Variants in PALLD observed in about 807,000 individuals in gnomAD.
PALLD encodes palladin.
In PALLD, 61 loss-of-function variants were observed where a neutral mutation model predicts 123.5. That is an observed-to-expected ratio of 0.49 (90% CI 0.40 to 0.61). PALLD has a LOEUF of 0.61. Among genes scored for constraint, PALLD ranks in the 20% least tolerant of loss-of-function variants. The pLI, the probability that PALLD is intolerant of heterozygous loss-of-function variation, is 0.00. For synonymous variants in PALLD, 465 were observed against 496.4 expected, an observed-to-expected ratio of 0.94 and a Z score of 0.84; for missense variants, 1,273 against 1,377.0, an observed-to-expected ratio of 0.92 and a Z score of 1.20.
chr4:168,855,292 T>C (rs1180062879), intron 10 of PALLD, among the ~76,000 whole-genome samples: 1 of 152,144 alleles, frequency 6.6e-6, no homozygotes, highest in East Asian at 1.9e-4. Context: ...GGTTTCACCA[T>C]GTTGACCAGG....
chr4:168,915,061 C>T (rs1334488681), intron 16 of PALLD, among the ~76,000 whole-genome samples: 4 of 152,154 alleles, frequency 2.6e-5, no homozygotes, highest in African/African-American at 4.8e-5. Flanking sequence ...TAAGCCTTTC[C>T]TTATATCAGT....
At chr4:168,659,853 C>G (rs1778961253) in intron 2 of PALLD, among the ~76,000 whole-genome samples, 1 of 152,170 alleles carries the variant, frequency 6.6e-6, no homozygotes, top group Non-Finnish European at 1.5e-5. Context: ...GAAACTGTCA[C>G]TCATAAAATC....
chr4:168,578,577 T>C (rs1769890754), intron 2 of PALLD, among the ~76,000 whole-genome samples: 1 of 152,130 alleles, frequency 6.6e-6, no homozygotes, highest in Non-Finnish European at 1.5e-5. Context: ...CTTTCCTTTA[T>C]AAATTACTCA....
rs150969120 is a variant in PALLD at position 168,671,712 on chromosome 4, G to C, written c.1087+3344G>C. Among the ~76,000 whole-genome samples the C allele has an allele frequency of 2.8e-4, 43 of 152,242 alleles. 1 individual carries two copies. The highest frequency in any genetic ancestry group is 2.5e-3 in the Admixed American group (38 of 15,294). ...GGAGAGAACCTCAGATAAATTCTTA[G>C]CCTCAACTTATGACTCAAAGTAAGA... On this transcript the variant is annotated intron_variant, in intron 3 of 21. Coordinates refer to ENST00000505667, the MANE Select transcript of PALLD (RefSeq NM_001166108.2).
At chr4:168,920,943 C>A (rs1172535152) in intron 17 of PALLD, among the ~76,000 whole-genome samples, 3 of 152,168 alleles carry the variant, frequency 2.0e-5, no homozygotes, top group Admixed American at 6.5e-5. Context: ...TCCCATTAAT[C>A]TCCATAGCCC....
chr4:168,579,642 T>A (rs1325760914), intron 2 of PALLD, among the ~76,000 whole-genome samples: 2 of 152,128 alleles, frequency 1.3e-5, no homozygotes, highest in Non-Finnish European at 2.9e-5. Flanking sequence ...ATGCCCCTAT[T>A]GTGAAGATGA....
In PALLD at chr4:168,711,787, A is replaced by T. The variant is rs1042980149; in HGVS notation, c.1828A>T (p.Thr610Ser). 7 of 1,614,136 alleles carry T rather than the reference A, an allele frequency of 4.3e-6. No individual in the cohort carries two copies. In the South Asian group the frequency reaches 5.5e-5, roughly 13 times the overall value. ...GCAATTCAATGCTGCTGAGAGGGAA[A>T]CGAACGGAGTCCATCCCAGCCGTGG... ...QMQFNAAERETNGVHPSRGVN... is the reference protein window; with the variant it reads ...QMQFNAAERESNGVHPSRGVN... The change falls in exon 10 of 22, where the codon ACG becomes TCG. Residue 610 changes from threonine to serine, a missense_variant. By Grantham distance (58) the Thr-to-Ser change is moderately conservative (BLOSUM62 1). Transcript: ENST00000505667.
chr4:168,824,131 G>C (rs1318417978), intron 10 of PALLD, among the ~76,000 whole-genome samples: 5 of 152,142 alleles, frequency 3.3e-5, no homozygotes, highest in African/African-American at 4.8e-5. Flanking sequence ...CTAAAATTGA[G>C]GTAATGATTT....
intron 2 of PALLD, among the ~76,000 whole-genome samples, chr4:168,523,276 A>AG (rs1561206820): frequency 4.6e-5 from 5 of 107,710 alleles, no homozygotes; most frequent in African/African-American, 7.4e-5. Context: ...GGGAGGAAGG[A>AG]GGGGGGAGGG....
chr4:168,498,653 G>A (rs752665339), intron 1 of PALLD, among the ~76,000 whole-genome samples: 27 of 152,002 alleles, frequency 1.8e-4, no homozygotes, highest in Non-Finnish European at 1.9e-4. Flanking sequence ...ACTGTGTCCC[G>A]GTGAAATTAC....
intron 10 of PALLD, among the ~76,000 whole-genome samples, chr4:168,792,437 C>T (rs1394462205): frequency 3.3e-5 from 5 of 152,102 alleles, no homozygotes; most frequent in African/African-American, 1.2e-4. Context: ...CCGCAGCCTC[C>T]CGTGTCCCCC....
At chr4:168,772,819 T>G (rs963123912) in intron 10 of PALLD, among the ~76,000 whole-genome samples, 3 of 150,594 alleles carry the variant, frequency 2.0e-5, no homozygotes, top group South Asian at 2.1e-4. Context: ...GTAAGTCCCA[T>G]GCCAAAAAAA....
At chr4:168,701,716 A>G (rs1189982534) in intron 8 of PALLD, among the ~76,000 whole-genome samples, 1 of 152,144 alleles carries the variant, frequency 6.6e-6, no homozygotes, top group Admixed American at 6.5e-5. Flanking sequence ...TGTTCCCAGA[A>G]CCTCTGTCTT....
chr4:168,770,875 A>G (rs1407746579), intron 10 of PALLD, among the ~76,000 whole-genome samples: 2 of 152,202 alleles, frequency 1.3e-5, no homozygotes, highest in South Asian at 2.1e-4. Context: ...CCTGGCCAAC[A>G]TGGCAAAACC....
At chr4:168,899,870 C>T (rs149716826) in intron 14 of PALLD, among the ~76,000 whole-genome samples, 14 of 151,196 alleles carry the variant, frequency 9.3e-5, no homozygotes, top group East Asian at 3.9e-4. Context: ...TGACCAAGAT[C>T]GCGCCATTGC....
intron 1 of PALLD, 100 bp from the exon 2 acceptor site, chr4:168,511,317 TATATTC>T (rs1194977004): frequency 1.7e-5 from 5 of 290,576 alleles, no homozygotes; most frequent in African/African-American, 6.6e-5. Flanking sequence ...AAAGAAAACT[TATATTC>T]ATTCACTTTA....
intron 10 of PALLD, among the ~76,000 whole-genome samples, chr4:168,792,353 A>G (rs1737650317): frequency 6.6e-6 from 1 of 152,120 alleles, no homozygotes; most frequent in South Asian, 2.1e-4. Context: ...GTAATTTTAC[A>G]TGACACCTAA....
rs745859220 is a variant in PALLD, at chr4:168,600,080, C to CAT, written c.909-68104_909-68103dup. Among the ~76,000 whole-genome samples, 3 of 98,920 alleles carry CAT rather than the reference C, an allele frequency of 3.0e-5. 1 individual carries two copies. Among genetic ancestry groups the CAT allele is most frequent in the African/African-American group, 9.8e-5 (3 of 30,682 alleles). 64.9% of individuals were successfully genotyped at this position (98,920 alleles called of 152,430 possible). On this transcript the variant is annotated intron_variant, in intron 2 of 21. Coordinates refer to ENST00000505667, the MANE Select transcript of PALLD (RefSeq NM_001166108.2). Reference sequence around the variant, plus strand: ...ATATACATACATGTGTATACACACACATATATACATGCATGTGTATGCACA... The same window carrying CAT: ...ATATACATACATGTGTATACACACACATATATATACATGCATGTGTATGCACA...
chr4:168,525,737 T>C (rs1763984821), intron 2 of PALLD, among the ~76,000 whole-genome samples: 1 of 152,192 alleles, frequency 6.6e-6, no homozygotes, highest in Non-Finnish European at 1.5e-5. Flanking sequence ...AACAAGATAT[T>C]CCACAGAAGA....
Sources: allele counts gnomAD v4.1 joint callset (sites outside exome capture counted in the v4.1 genomes callset), GRCh38; gene constraint gnomAD v4.1.1; transcripts MANE v1.5; gene names NCBI Gene and HGNC (gene_info 2026-07-23, HGNC 2026-07-21).